Variants in FSTL5 observed in about 807,000 individuals in gnomAD.
FSTL5 encodes follistatin like 5, also known as follistatin-related protein 5.
FSTL5 carries 62 observed loss-of-function variants against 89.1 expected under a neutral mutation model. The observed-to-expected ratio is 0.70, with a 90% CI of 0.57 to 0.86. The LOEUF (loss-of-function observed/expected upper bound fraction) is 0.86. FSTL5 is among the 40% of genes least tolerant of loss of function. FSTL5 has a pLI of 0.00. For synonymous variants in FSTL5, 383 were observed against 346.2 expected (o/e 1.11, Z -1.18); for missense variants, 1,057 against 1,001.6 (o/e 1.06, Z -0.75).
chr4:161,755,598 G>A (rs1199814069), intron 6 of FSTL5, among the ~76,000 whole-genome samples: 2 of 151,942 alleles, frequency 1.3e-5, no homozygotes, highest in African/African-American at 4.8e-5. Flanking sequence ...CTAGCTTTCT[G>A]AGCTTCTTTT....
chr4:162,124,093 G>A (rs1368294709), intron 1 of FSTL5, among the ~76,000 whole-genome samples: 4 of 152,100 alleles, frequency 2.6e-5, no homozygotes, highest in African/African-American at 7.2e-5. Flanking sequence ...TATGTCTTAT[G>A]TCTTTTGAAG....
At chr4:161,909,521 CTT>C (rs1733632911) in intron 4 of FSTL5, among the ~76,000 whole-genome samples, 1 of 152,100 alleles carries the variant, frequency 6.6e-6, no homozygotes, top group African/African-American at 2.4e-5. Flanking sequence ...CACCAGCAGT[CTT>C]TTCTTCTTCT....
rs146394809 is a variant in FSTL5 at position 161,842,081 on chromosome 4, C to G, written c.410-66007G>C. Among the ~76,000 whole-genome samples the G allele has an allele frequency of 2.6e-5, 4 of 152,040 alleles. No homozygotes were observed. The East Asian group carries it at 7.7e-4, about 29-fold the overall frequency. ...AAATTGACAGCTGGTATCGCATAATCAAAAACAGGTGGCTAAATTTGAACT... is the reference window on the plus strand; with the variant it reads ...AAATTGACAGCTGGTATCGCATAATGAAAAACAGGTGGCTAAATTTGAACT... On this transcript the variant is annotated intron_variant, in intron 4 of 15. Coordinates refer to ENST00000306100, the MANE Select transcript of FSTL5 (RefSeq NM_020116.5).
intron 6 of FSTL5, among the ~76,000 whole-genome samples, chr4:161,722,378 A>C (rs557198113): frequency 3.3e-5 from 5 of 152,272 alleles, no homozygotes; most frequent in Non-Finnish European, 7.4e-5. Context: ...AGGTCATCTA[A>C]GTCTTTTCAG....
At chr4:161,921,396 C>T (rs1184500421) in intron 3 of FSTL5, among the ~76,000 whole-genome samples, 1 of 152,068 alleles carries the variant, frequency 6.6e-6, no homozygotes, top group South Asian at 2.1e-4. Context: ...CAATCTTGTA[C>T]TAAGGCTGAA....
chr4:161,795,045 G>A (rs1729592482), intron 4 of FSTL5, among the ~76,000 whole-genome samples: 1 of 151,656 alleles, frequency 6.6e-6, no homozygotes, highest in Admixed American at 6.6e-5. Context: ...GCTTATCTGA[G>A]TGCCAGGCGC....
chr4:162,150,671 C>T (rs1482341988), intron 1 of FSTL5, among the ~76,000 whole-genome samples: 1 of 152,126 alleles, frequency 6.6e-6, no homozygotes, highest in Non-Finnish European at 1.5e-5. Flanking sequence ...TGGCACCCAA[C>T]ACTGTGGTTA....
At chr4:161,650,079 TA>T (rs1736283304) in intron 7 of FSTL5, among the ~76,000 whole-genome samples, 1 of 152,228 alleles carries the variant, frequency 6.6e-6, no homozygotes, top group Non-Finnish European at 1.5e-5. Context: ...GAACTTTAAC[TA>T]ATTTTCCCCC....
intron 3 of FSTL5, among the ~76,000 whole-genome samples, chr4:161,957,661 A>T (rs1048554463): frequency 6.6e-6 from 1 of 152,134 alleles, no homozygotes; most frequent in Admixed American, 6.6e-5. Context: ...TCCATTAAAT[A>T]TCGTATTTAA....
Position 161,759,403 on chromosome 4 carries a change from G to T in FSTL5, c.727+8C>A, listed in dbSNP as rs1055397882. On this transcript the variant is annotated splice_region_variant and intron_variant, in intron 6 of 15. Coordinates refer to ENST00000306100, the MANE Select transcript of FSTL5 (RefSeq NM_020116.5). ...AAAGGGAAATTGGAGAATGAATCTT[G>T]TACTCACGGAATGCTCTATAAAATT... The T allele has an allele frequency of 2.8e-5, 44 of 1,578,314 alleles. No homozygotes were observed. The highest frequency in any genetic ancestry group is 3.6e-5 in the Non-Finnish European group (42 of 1,165,964).
chr4:161,771,185 T>C (rs1053761349), intron 5 of FSTL5, among the ~76,000 whole-genome samples: 1 of 152,082 alleles, frequency 6.6e-6, no homozygotes, highest in Non-Finnish European at 1.5e-5. Flanking sequence ...CTGTAAGCAT[T>C]ACAAAATATT....
intron 4 of FSTL5, among the ~76,000 whole-genome samples, chr4:161,902,206 C>G (rs1485887741): frequency 6.6e-6 from 1 of 152,044 alleles, no homozygotes; most frequent in Non-Finnish European, 1.5e-5. Flanking sequence ...TTTGTAAAAT[C>G]AGGTTAATAT....
At chr4:161,625,967 G>A (rs1735302805) in intron 7 of FSTL5, among the ~76,000 whole-genome samples, 1 of 152,084 alleles carries the variant, frequency 6.6e-6, no homozygotes. Flanking sequence ...TATGGAGGCT[G>A]AGATATATGA....
intron 7 of FSTL5, among the ~76,000 whole-genome samples, chr4:161,635,053 T>C (rs181628523): frequency 6.6e-4 from 101 of 152,206 alleles, no homozygotes; most frequent in Admixed American, 2.2e-3. Context: ...AAAAATCTTG[T>C]AATTGAAACT....
At chr4:161,900,170 G>C (rs1733305779) in intron 4 of FSTL5, among the ~76,000 whole-genome samples, 1 of 152,094 alleles carries the variant, frequency 6.6e-6, no homozygotes, top group South Asian at 2.1e-4. Flanking sequence ...ACTCCAGCCT[G>C]CGTGACAGAG....
At chr4:161,538,039 A>G in intron 10 of FSTL5, 127 bp downstream of exon 10, 1 of 820,424 alleles carries the variant, frequency 1.2e-6, no homozygotes, top group Non-Finnish European at 1.9e-6. Flanking sequence ...CTTCCTACGT[A>G]TAAAATCTAT....
At chr4:161,579,745 G>GAAAA (rs1280552509) in intron 8 of FSTL5, among the ~76,000 whole-genome samples, 9 of 48,124 alleles carry the variant, frequency 1.9e-4, no homozygotes, top group Admixed American at 1.9e-3. Context: ...AAAAAAAAAA[G>GAAAA]AAAGAAAAAG....
At chr4:161,932,375 G>T (rs970449270) in intron 3 of FSTL5, among the ~76,000 whole-genome samples, 1 of 151,632 alleles carries the variant, frequency 6.6e-6, no homozygotes, top group East Asian at 1.9e-4. Context: ...ACTGTTTATC[G>T]TCTTTTTATT....
At chr4:161,705,960 A>G (rs914391980) in intron 6 of FSTL5, among the ~76,000 whole-genome samples, 7,238 of 68,012 alleles carry the variant, frequency 0.11, 601 homozygotes, top group South Asian at 0.37. Context: ...GTGTATATAT[A>G]TATATATATA....
Sources: gnomAD v4.1 joint callset for allele counts (sites outside exome capture counted in the v4.1 genomes callset) on GRCh38, gnomAD v4.1.1 for gene constraint, MANE v1.5 for transcripts, NCBI Gene and HGNC (gene_info 2026-07-23, HGNC 2026-07-21) for gene names.